The following CDH2 variants were observed in gnomAD, a reference collection of about 807,000 sequenced individuals.
The protein encoded by CDH2 is cadherin-2.
Under a neutral mutation model 92.0 loss-of-function variants are expected in CDH2, and 17 were observed. That is an observed-to-expected ratio of 0.18 (90% confidence interval 0.13 to 0.28). The LOEUF (loss-of-function observed/expected upper bound fraction) is 0.28, where lower values mean the gene tolerates loss of function less well. Among genes scored for constraint, CDH2 ranks in the 10% least tolerant of loss-of-function variants. The pLI is 1.00. For synonymous variants in CDH2, 419 were observed against 415.9 expected, an observed-to-expected ratio of 1.01 and a Z score of -0.09; for missense variants, 862 against 1,133.1, an observed-to-expected ratio of 0.76 and a Z score of 3.44.
chr18:28,134,135 C>CAAAA (rs34083301), intron 2 of CDH2, among the ~76,000 whole-genome samples: 7 of 91,566 alleles, frequency 7.6e-5, no homozygotes, highest in Non-Finnish European at 1.3e-4. Flanking sequence ...ACTAAATTTA[C>CAAAA]AAAAAAAAAA....
chr18:28,098,037 G>T (rs2015165666), intron 2 of CDH2, among the ~76,000 whole-genome samples: 1 of 152,016 alleles, frequency 6.6e-6, no homozygotes, highest in Non-Finnish European at 1.5e-5. Flanking sequence ...TTATCCTAAG[G>T]AAATAATCAT....
rs771644130 is a variant in CDH2 at position 28,013,368 on chromosome 18, ATTGT to A, written c.399+311_399+314del. Among the ~76,000 whole-genome samples the A allele has an allele frequency of 9.2e-5, 14 of 152,206 alleles. No individual in the cohort carries two copies. In the East Asian group the frequency reaches 1.3e-3, roughly 15 times the overall value. Reference sequence around the variant, plus strand: ...TCTGACTGATGACATCTTGTAAAGAATTGTTTATTTTGTGGTTTTATTTAACAGC... The same window carrying A: ...TCTGACTGATGACATCTTGTAAAGAATTATTTTGTGGTTTTATTTAACAGC... On this transcript the variant is annotated intron_variant, in intron 3 of 15. Coordinates refer to ENST00000269141, the MANE Select transcript of CDH2 (RefSeq NM_001792.5).
At chr18:28,149,066 T>A (rs1229987186) in intron 1 of CDH2, among the ~76,000 whole-genome samples, 2 of 152,114 alleles carry the variant, frequency 1.3e-5, no homozygotes, top group Non-Finnish European at 2.9e-5. Flanking sequence ...CTGTATCAAG[T>A]GAAGAATAAA....
Position 27,988,583 on chromosome 18 carries a change from C to A in CDH2, c.1682G>T (p.Arg561Leu), listed in dbSNP as rs758212729. The change falls in exon 11 of 16, where the codon CGA becomes CTA. Residue 561 changes from arginine (R) to leucine (L), a missense_variant. By Grantham distance (102) the Arg-to-Leu change is moderately radical. Transcript: ENST00000269141. ...GQITTIAVLD[R>L]ESPNVKNNIY... is the part of the protein sequence containing the mutation. ...ATTGTTTTTCACATTTGGTGATTCT[C>A]GGTCCAAAACAGCAATTGTAGTTAT... The A allele has an allele frequency of 3.7e-6, 6 of 1,611,164 alleles. No homozygotes were observed. The highest frequency in any genetic ancestry group is 3.3e-5 in the Admixed American group (2 of 59,990).
chr18:28,176,552 C>G (rs1433070163), intron 1 of CDH2, among the ~76,000 whole-genome samples: 1 of 152,098 alleles, frequency 6.6e-6, no homozygotes, highest in Non-Finnish European at 1.5e-5. Flanking sequence ...AACTCGCGAC[C>G]CATCCCTGCA....
intron 1 of CDH2, among the ~76,000 whole-genome samples, chr18:28,166,019 A>G (rs919957006): frequency 5.9e-5 from 9 of 151,474 alleles, no homozygotes; most frequent in South Asian, 2.1e-4. Flanking sequence ...TAAAATATGT[A>G]TATGTGAAAA....
In CDH2 at chr18:27,988,562, T is replaced by G. The variant is rs1291530759; in HGVS notation, c.1703A>C (p.Asn568Thr). Residue 568 changes from asparagine (N) to threonine (T), a missense_variant, in exon 11 of 16, where the codon AAC becomes ACC. Asn to Thr is a moderately conservative substitution (Grantham distance 65). Around this residue, in one of 5 missense-constraint regions of CDH2, gnomAD observed 564 missense variants for 722.2 expected, o/e 0.78. Coordinates refer to ENST00000269141, the MANE Select transcript of CDH2 (RefSeq NM_001792.5). ...AAGGAAAGTAGCATTATATATATTG[T>G]TTTTCACATTTGGTGATTCTCGGTC... ...VLDRESPNVK[N>T]NIYNATFLAS... The G allele has an allele frequency of 1.2e-6, 2 of 1,613,214 alleles. No homozygotes were observed. Among genetic ancestry groups the G allele is most frequent in the Admixed American group, 1.7e-5 (1 of 59,996 alleles).
intron 2 of CDH2, among the ~76,000 whole-genome samples, chr18:28,037,251 G>A (rs1452833851): frequency 6.6e-6 from 1 of 152,140 alleles, no homozygotes; most frequent in Non-Finnish European, 1.5e-5. Context: ...TGCAAACCAT[G>A]CCTATACATA....
At chr18:28,045,817 G>T (rs779919992) in intron 2 of CDH2, among the ~76,000 whole-genome samples, 2 of 152,132 alleles carry the variant, frequency 1.3e-5, no homozygotes, top group African/African-American at 4.8e-5. Context: ...CACAAAACAG[G>T]CTCTTGAGAT....
chr18:28,163,109 CA>C (rs1454728888), intron 1 of CDH2, among the ~76,000 whole-genome samples: 1 of 152,144 alleles, frequency 6.6e-6, no homozygotes, highest in Non-Finnish European at 1.5e-5. Flanking sequence ...CACTTCAAGG[CA>C]AACCAAAAGG....
At position 27,963,489 on chromosome 18, in the gene CDH2, G is replaced by A; in HGVS notation, c.2382C>T (p.Asp794=). Residue 794 remains aspartate (D), a synonymous_variant, in exon 15 of 16, where the codon GAC becomes GAT. Coordinates refer to ENST00000269141, the MANE Select transcript of CDH2 (RefSeq NM_001792.5). ...DYDLSQLQQP[D]TVEPDAIKPV... ...GCTTGATGGCATCAGGCTCCACAGT[G>A]TCAGGCTGCTGCAGCTGGCTCAAGT... The A allele has an allele frequency of 6.2e-7, 1 of 1,614,034 alleles. No homozygotes were observed. Among genetic ancestry groups the A allele is most frequent in the Non-Finnish European group, 8.5e-7 (1 of 1,180,006 alleles).
intron 2 of CDH2, among the ~76,000 whole-genome samples, chr18:28,082,170 G>A (rs1371081230): frequency 6.6e-6 from 1 of 152,140 alleles, no homozygotes; most frequent in African/African-American, 2.4e-5. Flanking sequence ...ATTCTGGGAA[G>A]CAGAGGCAGG....
At chr18:28,080,633 C>T (rs1040634819) in intron 2 of CDH2, among the ~76,000 whole-genome samples, 5 of 152,182 alleles carry the variant, frequency 3.3e-5, no homozygotes, top group African/African-American at 4.8e-5. Context: ...ATAATGCTTA[C>T]AGCTTATTTG....
chr18:28,149,045 G>A (rs2016081266), intron 1 of CDH2, among the ~76,000 whole-genome samples: 1 of 152,174 alleles, frequency 6.6e-6, no homozygotes, highest in Non-Finnish European at 1.5e-5. Flanking sequence ...TCTGTTATGT[G>A]CAAGAAAGGG....
chr18:27,976,466 A>G (rs750454491), intron 14 of CDH2, among the ~76,000 whole-genome samples: 1 of 152,336 alleles, frequency 6.6e-6, no homozygotes, highest in African/African-American at 2.4e-5. Flanking sequence ...GCCTTCTGAC[A>G]AATTCGCATG....
At chr18:27,949,976 T>G (rs1320691778), downstream of CDH2, among the ~76,000 whole-genome samples, 1 of 152,044 alleles carries the variant, frequency 6.6e-6, no homozygotes, top group Admixed American at 6.6e-5. Context: ...TTAAGTGTTA[T>G]GATGTGTGAA....
At chr18:28,000,652 CACAAGAGG>C (rs1157884529) in intron 7 of CDH2, among the ~76,000 whole-genome samples, 2 of 152,062 alleles carry the variant, frequency 1.3e-5, no homozygotes, top group Non-Finnish European at 2.9e-5. Context: ...CAAGTAATGT[CACAAGAGG>C]ACAGATGGGA....
chr18:28,044,509 A>C (rs2014030801), intron 2 of CDH2, among the ~76,000 whole-genome samples: 1 of 152,160 alleles, frequency 6.6e-6, no homozygotes, highest in Non-Finnish European at 1.5e-5. Flanking sequence ...TACTGTCAAT[A>C]AGATAAAATT....
chr18:28,149,246 A>G (rs1427565791), intron 1 of CDH2, among the ~76,000 whole-genome samples: 2 of 152,228 alleles, frequency 1.3e-5, no homozygotes, highest in African/African-American at 4.8e-5. Flanking sequence ...CCACTGAAAC[A>G]TGACTGTAAT....
Sources: gnomAD v4.1 joint callset for allele counts (sites outside exome capture counted in the v4.1 genomes callset) on GRCh38, gnomAD v4.1.1 for gene constraint, gnomAD v4.1.1 regional missense constraint, MANE v1.5 for transcripts, NCBI Gene and HGNC (gene_info 2026-07-23, HGNC 2026-07-21) for gene names.